Variants in MBD5 observed in about 807,000 individuals in gnomAD.
The protein encoded by MBD5 is methyl-CpG binding domain protein 5, also known as methyl-CpG-binding domain protein 5.
A neutral mutation model predicts 117.3 loss-of-function variants in MBD5; 13 were observed. That is an observed-to-expected ratio of 0.11 (90% confidence interval 0.07 to 0.18). MBD5 has a LOEUF of 0.18. Among genes scored for constraint, MBD5 ranks in the 10% least tolerant of loss-of-function variants. The pLI is 1.00. For synonymous variants in MBD5, 727 were observed against 766.4 expected (o/e 0.95, Z 0.85); for missense variants, 1,879 against 2,093.8 (o/e 0.90, Z 2.00).
chr2:148,157,646 T>C (rs1697907645), intron 1 of MBD5, among the ~76,000 whole-genome samples: 1 of 152,182 alleles, frequency 6.6e-6, no homozygotes, highest in Non-Finnish European at 1.5e-5. Context: ...GAAACTTAGA[T>C]AGCAAGTAAA....
intron 4 of MBD5, among the ~76,000 whole-genome samples, chr2:148,395,028 G>A (rs1704671341): frequency 6.6e-6 from 1 of 152,092 alleles, no homozygotes; most frequent in Non-Finnish European, 1.5e-5. Context: ...AGCTCAGGAT[G>A]TGGAACAGAA....
At chr2:148,273,927 T>G (rs1372227106) in intron 3 of MBD5, among the ~76,000 whole-genome samples, 1 of 152,216 alleles carries the variant, frequency 6.6e-6, no homozygotes, top group Non-Finnish European at 1.5e-5. Flanking sequence ...TTTGTACTTT[T>G]CAATGCTAGA....
At chr2:148,171,881 G>A (rs1043306535) in intron 1 of MBD5, among the ~76,000 whole-genome samples, 6 of 152,188 alleles carry the variant, frequency 3.9e-5, no homozygotes, top group Admixed American at 3.9e-4. Flanking sequence ...ACAAATTTAA[G>A]AATAAATTTG....
intron 2 of MBD5, among the ~76,000 whole-genome samples, chr2:148,232,062 G>C (rs1479581147): frequency 2.0e-5 from 3 of 152,170 alleles, no homozygotes; most frequent in Non-Finnish European, 4.4e-5. Flanking sequence ...TAGTCAGTGG[G>C]AACAGACATG....
chr2:148,463,514 G>A (rs1252980888), intron 6 of MBD5, among the ~76,000 whole-genome samples: 2 of 151,950 alleles, frequency 1.3e-5, no homozygotes, highest in African/African-American at 4.8e-5. Context: ...ATTTATCTTG[G>A]CTGTCTTAGA....
Position 148,489,915 on chromosome 2 carries a change from A to C in MBD5, c.4283A>C (p.Lys1428Thr). ...TCAGCAAGTTGCCACACATCCAAAA[A>C]ACAGTGGGACGGGGAGCAAAGCCCC... ...FKSASCHTSK[K>T]QWDGEQSPRG... The change falls in exon 11 of 14, where the codon AAA (lysine) becomes ACA (threonine). Residue 1428 changes from lysine (K) to threonine (T), a missense_variant. By Grantham distance (78) the Lys-to-Thr change is moderately conservative (BLOSUM62 -1). This residue lies in a region of MBD5 where 1,666 missense variants were observed against 1,792.2 expected (regional missense o/e 0.93). Coordinates refer to ENST00000642680, the MANE Select transcript of MBD5 (RefSeq NM_001378120.1). 1.2e-6 allele frequency: 2 copies of C among 1,614,174 alleles called. No individual in the cohort carries two copies. The highest frequency in any genetic ancestry group is 2.2e-5 in the South Asian group (2 of 91,084).
chr2:148,068,755 A>G (rs1448689665), intron 1 of MBD5, among the ~76,000 whole-genome samples: 1 of 152,200 alleles, frequency 6.6e-6, no homozygotes, highest in Non-Finnish European at 1.5e-5. Context: ...ATTGTAACTA[A>G]TTAGCACTTA....
chr2:148,373,117 A>G (rs1450649589), intron 4 of MBD5, among the ~76,000 whole-genome samples: 1 of 152,194 alleles, frequency 6.6e-6, no homozygotes. Context: ...ACTTCGGTGA[A>G]TAAACAGATT....
intron 4 of MBD5, among the ~76,000 whole-genome samples, chr2:148,435,183 A>G (rs572416718): frequency 6.6e-6 from 1 of 152,152 alleles, no homozygotes; most frequent in Non-Finnish European, 1.5e-5. Context: ...TCACTTGAAG[A>G]CAGCATACAT....
At chr2:148,189,428 C>T (rs1698772971) in intron 2 of MBD5, among the ~76,000 whole-genome samples, 1 of 148,888 alleles carries the variant, frequency 6.7e-6, no homozygotes, top group Non-Finnish European at 1.5e-5. Context: ...CAGACTGCCT[C>T]CTCAAGTGGG....
At chr2:148,114,411 A>C (rs574949107) in intron 1 of MBD5, among the ~76,000 whole-genome samples, 1 of 152,298 alleles carries the variant, frequency 6.6e-6, no homozygotes, top group Non-Finnish European at 1.5e-5. Flanking sequence ...CAGAGGTTGC[A>C]GTGAGCTGAG....
intron 3 of MBD5, among the ~76,000 whole-genome samples, chr2:148,233,977 A>G (rs1331987117): frequency 6.6e-6 from 1 of 152,134 alleles, no homozygotes; most frequent in Non-Finnish European, 1.5e-5. Context: ...GACAGCTCCT[A>G]TTGCTCCCAA....
At chr2:148,395,362 G>T (rs555099217) in intron 4 of MBD5, among the ~76,000 whole-genome samples, 1 of 150,588 alleles carries the variant, frequency 6.6e-6, no homozygotes, top group African/African-American at 2.4e-5. Flanking sequence ...ACGCTATTCA[G>T]TCAATTATTT....
intron 3 of MBD5, among the ~76,000 whole-genome samples, chr2:148,243,271 G>C (rs1179179949): frequency 6.6e-6 from 1 of 151,996 alleles, no homozygotes; most frequent in Non-Finnish European, 1.5e-5. Flanking sequence ...AATTCTTACA[G>C]AATCAATTGT....
intron 2 of MBD5, among the ~76,000 whole-genome samples, chr2:148,222,119 T>C (rs1699699924): frequency 6.6e-6 from 1 of 152,164 alleles, no homozygotes; most frequent in Admixed American, 6.5e-5. Context: ...TTGGTCTACA[T>C]GTGTGTTTTT....
At chr2:148,045,520 G>A (rs150225644) in intron 1 of MBD5, among the ~76,000 whole-genome samples, 523 of 152,282 alleles carry the variant, frequency 3.4e-3, no homozygotes, top group East Asian at 8.3e-3. Context: ...ATGCTTGTAT[G>A]TATGGCATTT....
intron 1 of MBD5, among the ~76,000 whole-genome samples, chr2:148,153,206 T>C (rs1449113562): frequency 2.6e-5 from 4 of 151,462 alleles, no homozygotes; most frequent in Non-Finnish European, 4.4e-5. Flanking sequence ...TGAAGCTTAG[T>C]TTGGCTGGCT....
intron 4 of MBD5, among the ~76,000 whole-genome samples, chr2:148,397,848 T>A (rs557537651): frequency 1.4e-5 from 2 of 146,570 alleles, no homozygotes; most frequent in Non-Finnish European, 3.0e-5. Flanking sequence ...TTCCCCTTCC[T>A]GTGTCCATGT....
At chr2:148,071,602 T>C (rs555025176) in intron 1 of MBD5, 1 of 152,320 alleles carries the variant, frequency 6.6e-6, no homozygotes, top group East Asian at 1.9e-4. Context: ...CTAACAGATA[T>C]GCTCAATATG....
Sources: allele counts gnomAD v4.1 joint callset (sites outside exome capture counted in the v4.1 genomes callset), GRCh38; gene constraint gnomAD v4.1.1; regional missense constraint gnomAD v4.1.1; transcripts MANE v1.5; gene names NCBI Gene and HGNC (gene_info 2026-07-23, HGNC 2026-07-21).